Variants in GBA1 observed in about 807,000 individuals in gnomAD.
GBA1 encodes the protein glucosylceramidase beta 1, also known as lysosomal acid glucosylceramidase.
At chr1:155,244,347 C>G in the GBA1 span, 3 of 152,084 alleles carry the variant, frequency 2.0e-5, no homozygotes, top group African/African-American at 7.2e-5. Flanking sequence ...TTGCAGTGAG[C>G]CAAGAAGGCG....
chr1:155,242,437 G>C, the GBA1 span, among the ~76,000 whole-genome samples: 1 of 152,038 alleles, frequency 6.6e-6, no homozygotes, highest in African/African-American at 2.4e-5. Context: ...TGGCCAGGCT[G>C]GTCTGAAACT....
the GBA1 span, among the ~76,000 whole-genome samples, chr1:155,237,185 A>C: frequency 9.9e-5 from 15 of 152,092 alleles, no homozygotes; most frequent in Non-Finnish European, 2.2e-4. Context: ...AAAGGTTTCA[A>C]GCGACAACTG....
the GBA1 span, chr1:155,235,279 C>T: frequency 1.9e-6 from 3 of 1,613,698 alleles, no homozygotes; most frequent in African/African-American, 4.0e-5. Context: ...GGCAACCAGC[C>T]CCACTCTCTG....
At chr1:155,235,203 C>G in the GBA1 span, 1,215 of 1,610,832 alleles carry the variant, frequency 7.5e-4, 1 homozygote, top group East Asian at 2.1e-3. Context: ...ACCGGTTTAG[C>G]ACGACCACAA....
At chr1:155,236,436 G>A in the GBA1 span, 2 of 1,614,176 alleles carry the variant, frequency 1.2e-6, no homozygotes, top group African/African-American at 2.7e-5. Context: ...GCAATGCCAT[G>A]AACATATTTA....
the GBA1 span, chr1:155,238,238 T>C: frequency 6.2e-7 from 1 of 1,613,726 alleles, no homozygotes; most frequent in Non-Finnish European, 8.5e-7. Flanking sequence ...AAGTGGGTGA[T>C]GTCCAGGGGC....
the GBA1 span, chr1:155,244,222 A>T: frequency 6.6e-6 from 1 of 151,900 alleles, no homozygotes; most frequent in Admixed American, 6.6e-5. Flanking sequence ...ACATGGTGAA[A>T]CCCCGTCTCT....
chr1:155,241,212 T>A, the GBA1 span: 14 of 1,157,616 alleles, frequency 1.2e-5, no homozygotes, highest in Admixed American at 3.6e-5. Flanking sequence ...GGTACCTGCC[T>A]TAGCTATAGG....
the GBA1 span, chr1:155,235,038 G>A: frequency 2.0e-6 from 2 of 1,002,474 alleles, no homozygotes; most frequent in Non-Finnish European, 3.0e-6. Flanking sequence ...GTAGCCAGGT[G>A]AGATTGTCTC....
the GBA1 span, chr1:155,238,305 A>G: frequency 1.3e-6 from 2 of 1,572,860 alleles, no homozygotes; most frequent in Admixed American, 1.9e-5. Flanking sequence ...AATCAGGGGT[A>G]TCTAGAGACA....
At chr1:155,236,424 C>T in the GBA1 span, 50 of 1,614,024 alleles carry the variant, frequency 3.1e-5, no homozygotes, top group Non-Finnish European at 4.2e-5. Context: ...TACCAATGTA[C>T]AGCAATGCCA....
the GBA1 span, among the ~76,000 whole-genome samples, chr1:155,237,188 G>A: frequency 1.3e-5 from 2 of 152,134 alleles, no homozygotes; most frequent in East Asian, 1.9e-4. Flanking sequence ...GGTTTCAAGC[G>A]ACAACTGTGG....
chr1:155,237,401 G>A, the GBA1 span: 1 of 1,614,020 alleles, frequency 6.2e-7, no homozygotes, highest in Non-Finnish European at 8.5e-7. Context: ...GGCGGACATT[G>A]TGGTGAGTAC....
At chr1:155,238,261 A>T in the GBA1 span, 3 of 1,609,490 alleles carry the variant, frequency 1.9e-6, no homozygotes, top group Non-Finnish European at 2.5e-6. Flanking sequence ...GCAAGGAGTG[A>T]AACGGGACGC....
chr1:155,239,880 G>C, the GBA1 span: 1 of 1,614,056 alleles, frequency 6.2e-7, no homozygotes, highest in Admixed American at 1.7e-5. Context: ...GGGGTGTAAT[G>C]GTTACCTGTG....
chr1:155,244,091 T>C, the GBA1 span: 1 of 152,348 alleles, frequency 6.6e-6, no homozygotes, highest in Non-Finnish European at 1.5e-5. Context: ...CTGACCATCC[T>C]TACCGTTAAA....
chr1:155,236,315 T>G, the GBA1 span: 1 of 1,614,174 alleles, frequency 6.2e-7, no homozygotes, highest in Non-Finnish European at 8.5e-7. Flanking sequence ...CTCCCAGAAC[T>G]TGGAGCCCAC....
the GBA1 span, chr1:155,240,072 G>A: frequency 8.7e-6 from 14 of 1,613,484 alleles, no homozygotes; most frequent in Admixed American, 5.0e-5. Flanking sequence ...ATGCAGGGGC[G>A]GGCACCTGGG....
At chr1:155,239,831 A>G in the GBA1 span, 1 of 1,613,960 alleles carries the variant, frequency 6.2e-7, no homozygotes, top group African/African-American at 1.3e-5. Flanking sequence ...CACTGACACC[A>G]TTTACCTCTA....
Sources: allele counts gnomAD v4.1 joint callset (sites outside exome capture counted in the v4.1 genomes callset), GRCh38; gene constraint gnomAD v4.1.1; transcripts MANE v1.5; gene names NCBI Gene and HGNC (gene_info 2026-07-23, HGNC 2026-07-21).